The following SCN9A variants were observed in gnomAD, a reference collection of about 807,000 sequenced individuals.
SCN9A encodes sodium channel protein type 9 subunit alpha.
A neutral mutation model predicts 187.0 loss-of-function variants in SCN9A; 131 were observed. The observed-to-expected ratio is 0.70, with a 90% CI of 0.61 to 0.81. The LOEUF (loss-of-function observed/expected upper bound fraction) is 0.81. Among genes scored for constraint, SCN9A ranks in the 30% least tolerant of loss-of-function variants. The pLI is 0.00. For synonymous variants in SCN9A, 809 were observed against 808.6 expected, an observed-to-expected ratio of 1.00 and a Z score of -0.01; for missense variants, 2,252 against 2,396.6, an observed-to-expected ratio of 0.94 and a Z score of 1.26.
At position 166,311,798 on chromosome 2, in the gene SCN9A, A is replaced by G. The variant is rs201915876; in HGVS notation, c.-42T>C. On this transcript the variant is annotated 5_prime_UTR_variant, in exon 2 of 27. An upstream start codon of the reference 5' UTR is lost. Coordinates refer to ENST00000642356, the MANE Select transcript of SCN9A (RefSeq NM_001365536.1). The stretch of plus-strand genomic sequence containing the variant: ...TTTTAATTCCTCTTCAGCTCCTCAC[A>G]TAAGAGGCCTGGATGGAAACAAAGA... 3.2e-5 allele frequency: 48 copies of G among 1,523,720 alleles called. No homozygotes were observed. Among genetic ancestry groups the G allele is most frequent in the Middle Eastern group, 1.8e-4 (1 of 5,636 alleles). The allele number at this position is 1,523,720 out of a possible 1,614,324, so 94.4% of individuals were successfully genotyped here.
rs1275435839 is a variant in SCN9A, at chr2:166,244,997, T to C, written c.3473-2341A>G. Among the ~76,000 whole-genome samples the C allele has an allele frequency of 2.0e-5, 3 of 152,210 alleles. No homozygotes were observed. In the East Asian group the frequency reaches 5.8e-4, roughly 29 times the overall value. Reference sequence around the variant, plus strand: ...TAGCACAAAAATTAAAAAATATCCTTTCATTATTGAAATTCTGTTTTTTGA... The same window carrying C: ...TAGCACAAAAATTAAAAAATATCCTCTCATTATTGAAATTCTGTTTTTTGA... On this transcript the variant is annotated intron_variant, in intron 18 of 26. Transcript: ENST00000642356.
chr2:166,243,293 A>T (rs7598274), intron 18 of SCN9A, among the ~76,000 whole-genome samples: 125,835 of 152,014 alleles, frequency 0.83, 52,397 homozygotes, highest in East Asian at 0.94. Context: ...TCATTAACGC[A>T]TTCTTTTGTC....
intron 21 of SCN9A, 101 bp from the exon 22 acceptor site, chr2:166,229,073 G>T (rs933296982): frequency 2.1e-6 from 2 of 939,154 alleles, no homozygotes; most frequent in Non-Finnish European, 3.2e-6. Flanking sequence ...TAGAAAAGCC[G>T]CCCTTAAATA....
At chr2:166,304,832 T>C (rs995487689) in intron 5 of SCN9A, among the ~76,000 whole-genome samples, 2 of 152,080 alleles carry the variant, frequency 1.3e-5, no homozygotes, top group Admixed American at 1.3e-4. Flanking sequence ...ACTTCTCTAA[T>C]TAGGTAGTGG....
chr2:166,327,656 A>G (rs930006994), intron 1 of SCN9A, among the ~76,000 whole-genome samples: 1 of 115,710 alleles, frequency 8.6e-6, no homozygotes. Context: ...TGAGCCAGCC[A>G]TTATGAATCT....
chr2:166,312,129 T>C (rs1165170424), intron 1 of SCN9A, among the ~76,000 whole-genome samples: 1 of 152,202 alleles, frequency 6.6e-6, no homozygotes, highest in Non-Finnish European at 1.5e-5. Context: ...TCAACTCAAC[T>C]TTCCTCTTTT....
intron 24 of SCN9A, among the ~76,000 whole-genome samples, chr2:166,209,783 T>C (rs62176623): frequency 0.021 from 3,145 of 146,498 alleles, 91 homozygotes; most frequent in East Asian, 0.092. Context: ...GTTAGAATGG[T>C]GATCATTAAA....
At chr2:166,242,181 G>C (rs766874809) in intron 19 of SCN9A, among the ~76,000 whole-genome samples, 9 of 152,092 alleles carry the variant, frequency 5.9e-5, no homozygotes, top group Non-Finnish European at 1.0e-4. Flanking sequence ...TTCTCTCTTT[G>C]TTCTACAGGG....
chr2:166,340,594 C>CTTTG (rs1395792670), intron 1 of SCN9A, among the ~76,000 whole-genome samples: 78 of 73,882 alleles, frequency 1.1e-3, no homozygotes, highest in Non-Finnish European at 1.3e-3. Flanking sequence ...TTCTTTCTTT[C>CTTTG]TTTCTTTCTT....
chr2:166,369,144 C>G (rs573931855), intron 1 of SCN9A, among the ~76,000 whole-genome samples: 1 of 151,604 alleles, frequency 6.6e-6, no homozygotes, highest in African/African-American at 2.4e-5. Flanking sequence ...ACATATATAT[C>G]TCCTAATATA....
chr2:166,267,888 A>G (rs1318672167), intron 17 of SCN9A, among the ~76,000 whole-genome samples: 3 of 151,934 alleles, frequency 2.0e-5, no homozygotes. Flanking sequence ...AGCTGCTGCA[A>G]ACGTTGTTAA....
intron 10 of SCN9A, among the ~76,000 whole-genome samples, chr2:166,286,870 C>G (rs115514966): frequency 0.01 from 1,582 of 152,106 alleles, 30 homozygotes; most frequent in African/African-American, 0.036. Context: ...TATTAATTTG[C>G]TTACAGTAAA....
chr2:166,370,853 G>A (rs190349718), intron 1 of SCN9A, among the ~76,000 whole-genome samples: 83 of 152,022 alleles, frequency 5.5e-4, no homozygotes, highest in African/African-American at 2.0e-3. Flanking sequence ...TCATTGCAGG[G>A]CAGGATGCTA....
At chr2:166,222,756 C>T (rs1694645549) in intron 24 of SCN9A, among the ~76,000 whole-genome samples, 1 of 144,122 alleles carries the variant, frequency 6.9e-6, no homozygotes, top group Non-Finnish European at 1.5e-5. Flanking sequence ...CAGGGTGAAA[C>T]CCCGTCTCTA....
Position 166,199,515 on chromosome 2 carries a change from A to G in SCN9A, c.5124T>C (p.Leu1708=), listed in dbSNP as rs2106337580. The change falls in exon 27 of 27, where the codon CTT becomes CTC. Residue 1708 remains leucine (L), a synonymous_variant. Transcript: ENST00000642356. ...AGWDGLLAPI[L]NSKPPDCDPK... ...GGTCACAGTCGGGTGGCTTACTGTT[A>G]AGAATAGGTGCTAGCAATCCATCCC... 6.2e-7 allele frequency: 1 copy of G among 1,614,218 alleles called. No homozygotes were observed. Among genetic ancestry groups the G allele is most frequent in the Non-Finnish European group, 8.5e-7 (1 of 1,180,034 alleles).
chr2:166,344,294 T>C (rs1699852223), intron 1 of SCN9A, among the ~76,000 whole-genome samples: 1 of 152,094 alleles, frequency 6.6e-6, no homozygotes, highest in South Asian at 2.1e-4. Flanking sequence ...AAATATGACA[T>C]TAATAATAAG....
chr2:166,236,804 T>C (rs965065128), intron 20 of SCN9A, among the ~76,000 whole-genome samples: 3 of 152,232 alleles, frequency 2.0e-5, no homozygotes, highest in African/African-American at 4.8e-5. Flanking sequence ...GGTAACATTT[T>C]GCAGTCAGAT....
intron 23 of SCN9A, 80 bp downstream of exon 23, chr2:166,227,590 A>G: frequency 1.2e-6 from 1 of 831,106 alleles, no homozygotes; most frequent in Admixed American, 2.0e-5. Context: ...GGGCTTCATG[A>G]AGTTATAGTT....
At position 166,196,831 on chromosome 2, in the gene SCN9A, T is replaced by C. The variant is rs201173517; in HGVS notation, c.*1841A>G. ...CCTAAGATGAATGAACCTAAGATGG[T>C]ATAAAGAATCTTTAGCCCTAGATTG... is the stretch of plus-strand genomic sequence containing the variant. On this transcript the variant is annotated 3_prime_UTR_variant, in exon 27 of 27. Coordinates refer to ENST00000642356, the MANE Select transcript of SCN9A (RefSeq NM_001365536.1). 4 of 152,088 alleles carry C rather than the reference T, an allele frequency of 2.6e-5. No homozygotes were observed. 9.4% of individuals were successfully genotyped at this position (152,088 alleles called of 1,614,324 possible). A position where few individuals can be genotyped will look rare whatever the true frequency, so the allele number is the denominator to read the frequency against.
Sources: gnomAD v4.1 joint callset for allele counts (sites outside exome capture counted in the v4.1 genomes callset) on GRCh38, gnomAD v4.1.1 for gene constraint, MANE v1.5 for transcripts, NCBI Gene and HGNC (gene_info 2026-07-23, HGNC 2026-07-21) for gene names.